ANKRD36C: variants seen among roughly 807,000 people sequenced by gnomAD.
The protein encoded by ANKRD36C is ankyrin repeat domain-containing protein 36C.
Under a neutral mutation model 276.4 loss-of-function variants are expected in ANKRD36C, and 61 were observed. The observed-to-expected ratio is 0.22, with a 90% CI of 0.18 to 0.27. The LOEUF is 0.27. Ranked by LOEUF, ANKRD36C falls within the 10% of genes least tolerant of loss-of-function variation. ANKRD36C has a pLI of 1.00. For missense variants in ANKRD36C, 1,447 were observed against 2,032.3 expected (o/e 0.71, Z 5.54); for synonymous variants, 483 against 680.1 (o/e 0.71, Z 4.51).
At chr2:95,861,283 T>A (rs1675573803) in intron 60 of ANKRD36C, among the ~76,000 whole-genome samples, 1 of 151,042 alleles carries the variant, frequency 6.6e-6, no homozygotes, top group Admixed American at 6.6e-5. Flanking sequence ...TAAACACAAA[T>A]TAGAGATAAC....
At chr2:95,991,679 G>A in exon 1 of ANKRD36C, 1 of 1,613,876 alleles carries the variant, frequency 6.2e-7, no homozygotes, top group Non-Finnish European at 8.5e-7. Flanking sequence ...CCCTGAGGGT[G>A]GGCCACCTCT....
chr2:95,979,172 C>T (rs958697126), intron 5 of ANKRD36C, among the ~76,000 whole-genome samples: 2 of 152,042 alleles, frequency 1.3e-5, no homozygotes, highest in Admixed American at 6.6e-5. Context: ...TCACCTTACA[C>T]AAATGTTTTT....
chr2:95,865,226 C>T (rs1049408413), intron 60 of ANKRD36C, among the ~76,000 whole-genome samples: 5 of 152,012 alleles, frequency 3.3e-5, no homozygotes, highest in African/African-American at 1.2e-4. Context: ...TAAAAGCAGA[C>T]ATACACTTTA....
intron 24 of ANKRD36C, among the ~76,000 whole-genome samples, chr2:95,929,557 G>T (rs1400009248): frequency 6.6e-6 from 1 of 151,554 alleles, no homozygotes; most frequent in Non-Finnish European, 1.5e-5. Flanking sequence ...TGGATATGCT[G>T]AGTGATGAGG....
At chr2:95,949,600 C>T (rs1393130877) in intron 16 of ANKRD36C, among the ~76,000 whole-genome samples, 4 of 152,246 alleles carry the variant, frequency 2.6e-5, no homozygotes, top group Admixed American at 2.6e-4. Flanking sequence ...TAGAGCCACT[C>T]CTTCTTTCTA....
chr2:95,948,257 G>A (rs1304121190), intron 17 of ANKRD36C, among the ~76,000 whole-genome samples: 7 of 151,800 alleles, frequency 4.6e-5, no homozygotes, highest in African/African-American at 4.8e-5. Context: ...GTGGGAAAGC[G>A]TTCCAGAACC....
At chr2:95,888,541 T>G (rs1465048712) in intron 48 of ANKRD36C, among the ~76,000 whole-genome samples, 5 of 151,740 alleles carry the variant, frequency 3.3e-5, no homozygotes, top group African/African-American at 1.2e-4. Flanking sequence ...ACATTCATTG[T>G]GCTCTTTAAC....
At chr2:95,911,443 T>G (rs1676921059) in intron 42 of ANKRD36C, among the ~76,000 whole-genome samples, 1 of 151,490 alleles carries the variant, frequency 6.6e-6, no homozygotes, top group Non-Finnish European at 1.5e-5. Flanking sequence ...ATCATGTTAT[T>G]TTCTAAAGAA....
Position 95,975,490 on chromosome 2 carries a change from G to C in ANKRD36C, c.799+2632C>G, listed in dbSNP as rs1170069270. 2.0e-5 allele frequency among the ~76,000 whole-genome samples: 3 copies of C among 152,066 alleles called. 1 individual carries two copies. The South Asian group carries it at 6.2e-4, about 32-fold the overall frequency. On this transcript the variant is annotated intron_variant, in intron 6 of 66. Coordinates refer to ENST00000456556, the Ensembl canonical transcript of ANKRD36C. ...ATAATGCTGCATGTCTACAACTATC[G>C]ATCTTTGACAAACCTGAGAAAAACA...
chr2:95,934,461 G>T (rs1215236868), intron 24 of ANKRD36C, among the ~76,000 whole-genome samples: 1 of 151,872 alleles, frequency 6.6e-6, no homozygotes, highest in Non-Finnish European at 1.5e-5. Context: ...GCAAAGACAC[G>T]GATGAAGCCT....
chr2:95,947,632 G>A (rs920905324), intron 17 of ANKRD36C, among the ~76,000 whole-genome samples: 14 of 152,066 alleles, frequency 9.2e-5, no homozygotes, highest in Admixed American at 5.9e-4. Flanking sequence ...AAAACCTTGT[G>A]AAATTAAAGT....
intron 59 of ANKRD36C, among the ~76,000 whole-genome samples, chr2:95,874,917 A>G (rs554513598): frequency 6.6e-6 from 1 of 152,370 alleles, no homozygotes; most frequent in Admixed American, 6.5e-5. Flanking sequence ...CAGCCAAAAA[A>G]CACATGAAAC....
chr2:95,912,169 C>G (rs1398274140), intron 42 of ANKRD36C, 75 bp downstream of exon 44: 1 of 1,525,906 alleles, frequency 6.6e-7, no homozygotes, highest in Non-Finnish European at 8.8e-7. Context: ...TCGACCAGCC[C>G]CCCACTGATT....
At chr2:95,924,190 G>A (rs1161046659) in intron 30 of ANKRD36C, among the ~76,000 whole-genome samples, 2 of 151,664 alleles carry the variant, frequency 1.3e-5, no homozygotes, top group Non-Finnish European at 3.0e-5. Flanking sequence ...TCTCTTAAGT[G>A]GAAGGGACCT....
At chr2:95,924,182 T>C (rs564600687) in intron 30 of ANKRD36C, among the ~76,000 whole-genome samples, 6 of 151,820 alleles carry the variant, frequency 4.0e-5, no homozygotes, top group African/African-American at 1.4e-4. Flanking sequence ...ACTTCATGTC[T>C]CTTAAGTGGA....
chr2:95,921,546 G>C, intron 34 of ANKRD36C, 61 bp downstream of exon 34: 1 of 1,558,526 alleles, frequency 6.4e-7, no homozygotes, highest in Non-Finnish European at 8.7e-7. Context: ...ATTTATTCGG[G>C]GTAGAGAAGT....
At chr2:95,944,327 G>A (rs1308547481) in intron 19 of ANKRD36C, among the ~76,000 whole-genome samples, 1 of 151,870 alleles carries the variant, frequency 6.6e-6, no homozygotes, top group East Asian at 1.9e-4. Context: ...TTCCCTAATG[G>A]CAAACCTAAG....
At chr2:95,862,124 A>G (rs2696792) in intron 60 of ANKRD36C, among the ~76,000 whole-genome samples, 7 of 152,168 alleles carry the variant, frequency 4.6e-5, no homozygotes, top group Non-Finnish European at 2.9e-5. Context: ...TACAAAAAGT[A>G]ACAGACAATT....
At chr2:95,911,115 T>G (rs1676908678) in intron 42 of ANKRD36C, among the ~76,000 whole-genome samples, 1 of 151,546 alleles carries the variant, frequency 6.6e-6, no homozygotes, top group Non-Finnish European at 1.5e-5. Flanking sequence ...ACCTGTTTGC[T>G]GATACCTAGT....
Sources: allele counts gnomAD v4.1 joint callset (sites outside exome capture counted in the v4.1 genomes callset), GRCh38; gene constraint gnomAD v4.1.1; transcripts MANE v1.5; gene names NCBI Gene and HGNC (gene_info 2026-07-23, HGNC 2026-07-21).